PTPRT: variants seen among roughly 807,000 people sequenced by gnomAD.
PTPRT encodes protein tyrosine phosphatase receptor type T.
A neutral mutation model predicts 176.8 loss-of-function variants in PTPRT; 56 were observed. The ratio of observed to expected loss-of-function variants is 0.32; its 90% CI spans 0.26 to 0.40. The LOEUF (loss-of-function observed/expected upper bound fraction) is 0.40, where lower values mean the gene tolerates loss of function less well. Ranked by LOEUF, PTPRT falls within the 10% of genes least tolerant of loss-of-function variation. PTPRT has a pLI of 1.00. For synonymous variants in PTPRT, 783 were observed against 739.0 expected (o/e 1.06, Z -0.96); for missense variants, 1,540 against 1,908.2 (o/e 0.81, Z 3.60).
intron 9 of PTPRT, among the ~76,000 whole-genome samples, chr20:42,387,592 C>T (rs1352207156): frequency 6.6e-6 from 1 of 152,156 alleles, no homozygotes; most frequent in African/African-American, 2.4e-5. Context: ...TTGTTTCCTT[C>T]TCCTGAAATG....
chr20:42,728,815 C>T (rs757078386), intron 6 of PTPRT, among the ~76,000 whole-genome samples: 7 of 152,172 alleles, frequency 4.6e-5, no homozygotes, highest in Admixed American at 6.5e-5. Context: ...GGCCAGGCCA[C>T]GAGCACCTTT....
intron 1 of PTPRT, chr20:43,063,462 G>C (rs78925981): frequency 2.6e-5 from 4 of 152,284 alleles, no homozygotes; most frequent in Admixed American, 2.6e-4. Context: ...CTGAAGCTGC[G>C]CAGTGGGTCA....
intron 6 of PTPRT, among the ~76,000 whole-genome samples, chr20:42,709,591 C>T (rs1295136081): frequency 1.3e-5 from 2 of 152,068 alleles, no homozygotes; most frequent in Non-Finnish European, 2.9e-5. Flanking sequence ...TATAAATTAC[C>T]CAACCTCAGA....
chr20:42,772,703 A>G (rs1057459317), intron 4 of PTPRT, among the ~76,000 whole-genome samples: 1 of 152,214 alleles, frequency 6.6e-6, no homozygotes, highest in African/African-American at 2.4e-5. Flanking sequence ...CAGAATGGAA[A>G]CAAATGGAGG....
At chr20:42,888,403 C>A (rs930653967) in intron 1 of PTPRT, among the ~76,000 whole-genome samples, 1 of 152,170 alleles carries the variant, frequency 6.6e-6, no homozygotes, top group Non-Finnish European at 1.5e-5. Flanking sequence ...TGTTGGGCAA[C>A]ATATTCGACA....
intron 6 of PTPRT, among the ~76,000 whole-genome samples, chr20:42,715,896 G>A (rs1263663160): frequency 6.6e-6 from 1 of 152,174 alleles, no homozygotes; most frequent in Non-Finnish European, 1.5e-5. Flanking sequence ...ACCAAAAATA[G>A]TTAAAACAAT....
chr20:42,232,233 A>G (rs62208710), intron 15 of PTPRT, among the ~76,000 whole-genome samples: 7,673 of 152,266 alleles, frequency 0.05, 266 homozygotes, highest in South Asian at 0.088. Flanking sequence ...TGAAGAGAGA[A>G]CACACTTCAA....
intron 2 of PTPRT, among the ~76,000 whole-genome samples, chr20:42,820,097 C>G (rs931033801): frequency 6.6e-6 from 1 of 152,268 alleles, no homozygotes; most frequent in Non-Finnish European, 1.5e-5. Context: ...TTCTCTACAC[C>G]AAAATCAACA....
chr20:42,540,575 G>C (rs2072561757), intron 7 of PTPRT, among the ~76,000 whole-genome samples: 1 of 152,112 alleles, frequency 6.6e-6, no homozygotes, highest in African/African-American at 2.4e-5. Context: ...GCTTTCTGTA[G>C]GAGGATGAAA....
intron 1 of PTPRT, among the ~76,000 whole-genome samples, chr20:43,028,022 C>T (rs894524864): frequency 1.3e-5 from 2 of 152,174 alleles, no homozygotes; most frequent in Non-Finnish European, 2.9e-5. Context: ...CTGATACAGG[C>T]CAGAATTTTC....
At chr20:42,233,570 A>T (rs528208324) in intron 15 of PTPRT, among the ~76,000 whole-genome samples, 1 of 152,204 alleles carries the variant, frequency 6.6e-6, no homozygotes, top group Non-Finnish European at 1.5e-5. Context: ...AAATGATTAA[A>T]TATACCTTAC....
In PTPRT at chr20:42,558,040, C is replaced by A. The variant is rs577567721; in HGVS notation, c.1154-85478G>T. 3.3e-4 allele frequency among the ~76,000 whole-genome samples: 51 copies of A among 152,242 alleles called. 2 individuals are homozygous for A. In the South Asian group the frequency reaches 9.7e-3, roughly 29 times the overall value. Reference sequence around the variant, plus strand: ...AGTACAGGTTTGTTATATAGATAAACTTGTGTCATGGGGGTTTGTTGTAGA... The same window carrying A: ...AGTACAGGTTTGTTATATAGATAAAATTGTGTCATGGGGGTTTGTTGTAGA... On this transcript the variant is annotated intron_variant, in intron 7 of 30. Coordinates refer to ENST00000373187, the MANE Select transcript of PTPRT (RefSeq NM_007050.6).
chr20:43,174,236 C>T (rs761880487), intron 1 of PTPRT, among the ~76,000 whole-genome samples: 1 of 152,198 alleles, frequency 6.6e-6, no homozygotes, highest in Non-Finnish European at 1.5e-5. Context: ...TGGCTCAAGT[C>T]AAGTTCCCAC....
intron 7 of PTPRT, among the ~76,000 whole-genome samples, chr20:42,576,591 G>A (rs1254839604): frequency 6.6e-6 from 1 of 152,098 alleles, no homozygotes; most frequent in South Asian, 2.1e-4. Context: ...ATGGCTTTCT[G>A]CCCCAGAGTT....
At chr20:42,401,447 C>T (rs535278716) in intron 9 of PTPRT, among the ~76,000 whole-genome samples, 1 of 152,112 alleles carries the variant, frequency 6.6e-6, no homozygotes, top group Admixed American at 6.6e-5. Context: ...ACTGCTTCTA[C>T]CTAATTATTT....
chr20:42,163,118 C>T (rs1236375000), intron 16 of PTPRT, among the ~76,000 whole-genome samples: 2 of 152,202 alleles, frequency 1.3e-5, no homozygotes, highest in Non-Finnish European at 2.9e-5. Flanking sequence ...AGCCTTCTGC[C>T]TGCCTCCACC....
chr20:42,761,045 G>C (rs977310545), intron 5 of PTPRT, among the ~76,000 whole-genome samples: 2 of 152,184 alleles, frequency 1.3e-5, no homozygotes, highest in Non-Finnish European at 2.9e-5. Context: ...GTCTGGCATG[G>C]AGACAGAAAT....
chr20:42,670,930 C>T (rs186723641), intron 7 of PTPRT, among the ~76,000 whole-genome samples: 1 of 152,062 alleles, frequency 6.6e-6, no homozygotes, highest in African/African-American at 2.4e-5. Flanking sequence ...AACCTGGGAG[C>T]AAAACTTACA....
chr20:42,209,602 A>G (rs2055567550), intron 15 of PTPRT, among the ~76,000 whole-genome samples: 1 of 152,052 alleles, frequency 6.6e-6, no homozygotes, highest in Admixed American at 6.5e-5. Flanking sequence ...ACCAGGAAGA[A>G]GTTGAATCTC....
Sources: allele counts gnomAD v4.1 joint callset (sites outside exome capture counted in the v4.1 genomes callset), GRCh38; gene constraint gnomAD v4.1.1; transcripts MANE v1.5; gene names NCBI Gene and HGNC (gene_info 2026-07-23, HGNC 2026-07-21).